CCDC192: variants seen among roughly 807,000 people sequenced by gnomAD.
The protein encoded by CCDC192 is coiled-coil domain containing 192.
Position 127,921,792 on chromosome 5 carries a change from G to T in CCDC192, c.536-19390G>T, listed in dbSNP as rs1242310197. The stretch of plus-strand genomic sequence containing the variant: ...GAGCTGCCTTCTCTCTCCATACTGG[G>T]TCAGGTAATTCATTCCCTGGCTCTC... On this transcript the variant is annotated intron_variant, in intron 6 of 6. Transcript: ENST00000514853. 2.0e-5 allele frequency among the ~76,000 whole-genome samples: 3 copies of T among 152,226 alleles called. No homozygotes were observed. The East Asian group carries it at 5.8e-4, about 29-fold the overall frequency.
intron 6 of CCDC192, among the ~76,000 whole-genome samples, chr5:127,894,187 A>ATTTTTTTTTTTTTTTTTTTTTTTTTT (rs70997350): frequency 1.8e-5 from 2 of 111,022 alleles, no homozygotes; most frequent in Non-Finnish European, 3.8e-5. Context: ...GTCCTATCTA[A>ATTTTTTTTTTTTTTTTTTTTTTTTTT]TTTTTTTTTT....
chr5:127,918,783 G>A (rs1162926676), intron 6 of CCDC192, among the ~76,000 whole-genome samples: 1 of 151,942 alleles, frequency 6.6e-6, no homozygotes, highest in Non-Finnish European at 1.5e-5. Flanking sequence ...ATGCTTATAC[G>A]TTTGTCTGTA....
chr5:127,908,841 G>A (rs753339061), intron 6 of CCDC192, among the ~76,000 whole-genome samples: 1 of 152,072 alleles, frequency 6.6e-6, no homozygotes, highest in Admixed American at 6.6e-5. Context: ...AGCTCTATAG[G>A]GAAATAATGG....
intron 2 of CCDC192, among the ~76,000 whole-genome samples, chr5:127,749,705 T>G (rs1236541537): frequency 4.6e-5 from 7 of 152,236 alleles, no homozygotes; most frequent in Non-Finnish European, 1.0e-4. Flanking sequence ...TTCCTCCTTT[T>G]ACCTATGGTA....
intron 2 of CCDC192, among the ~76,000 whole-genome samples, chr5:127,711,900 A>G (rs1374505402): frequency 1.3e-5 from 2 of 152,178 alleles, no homozygotes; most frequent in African/African-American, 4.8e-5. Context: ...CAGCTTTACT[A>G]AGACATAATT....
At chr5:127,741,067 G>A (rs200805536) in intron 2 of CCDC192, among the ~76,000 whole-genome samples, 9 of 151,696 alleles carry the variant, frequency 5.9e-5, no homozygotes, top group African/African-American at 1.2e-4. Context: ...TGTTGTTGTC[G>A]TCATTGTTGT....
At chr5:127,915,348 A>ACAGTTCTGAATGCAGCC (rs1354402588) in intron 6 of CCDC192, among the ~76,000 whole-genome samples, 1 of 152,220 alleles carries the variant, frequency 6.6e-6, no homozygotes, top group Non-Finnish European at 1.5e-5. Flanking sequence ...ACAGCCCAGG[A>ACAGTTCTGAATGCAGCC]CAGTTCTGAA....
Position 127,874,186 on chromosome 5 carries a change from A to G in CCDC192, c.412-1352A>G, listed in dbSNP as rs189056445. ...AGGCCTCTGTGTTGTGGCTCACGGT[A>G]CCTCTCACCTGGATTGTGCTGGCTG... On this transcript the variant is annotated intron_variant, in intron 5 of 6. Coordinates refer to ENST00000514853, the MANE Select transcript of CCDC192 (RefSeq NM_001317938.2). Among the ~76,000 whole-genome samples, 7 of 152,208 alleles carry G rather than the reference A, an allele frequency of 4.6e-5. No homozygotes were observed. In the South Asian group the frequency reaches 8.3e-4, roughly 18 times the overall value.
chr5:127,721,557 C>G (rs375444857), intron 2 of CCDC192, among the ~76,000 whole-genome samples: 3 of 152,182 alleles, frequency 2.0e-5, no homozygotes, highest in Non-Finnish European at 4.4e-5. Flanking sequence ...GCCCTCCAAA[C>G]TCTTCTAACC....
chr5:127,749,267 A>T (rs1753977809), intron 2 of CCDC192, among the ~76,000 whole-genome samples: 1 of 152,088 alleles, frequency 6.6e-6, no homozygotes, highest in African/African-American at 2.4e-5. Context: ...GATAGCTCTT[A>T]TTATTTTGAA....
rs192270977 is a variant in CCDC192, at chr5:127,753,643, G to A, written c.115-625G>A. 2.0e-3 allele frequency among the ~76,000 whole-genome samples: 294 copies of A among 150,744 alleles called. 1 individual carries two copies. Among genetic ancestry groups the A allele is most frequent in the Non-Finnish European group, 2.8e-3 (193 of 67,844 alleles). Reference sequence around the variant, plus strand: ...GTGGAGGTTGCAGTGAGCCAAGATCGTGCCCTTGCACTCGGCCTGGGCAAC... The same window carrying A: ...GTGGAGGTTGCAGTGAGCCAAGATCATGCCCTTGCACTCGGCCTGGGCAAC... On this transcript the variant is annotated intron_variant, in intron 2 of 6. Transcript: ENST00000514853.
chr5:127,825,420 G>A (rs1369157985), intron 5 of CCDC192, among the ~76,000 whole-genome samples: 1 of 152,186 alleles, frequency 6.6e-6, no homozygotes, highest in African/African-American at 2.4e-5. Context: ...GTTCAAAGTT[G>A]ATGCAAGACT....
At chr5:127,787,061 C>G (rs1050935967) in intron 3 of CCDC192, 1 of 283,734 alleles carries the variant, frequency 3.5e-6, no homozygotes, top group Non-Finnish European at 7.1e-6. Flanking sequence ...TGTTCTAAAG[C>G]TGTCCAGTGC....
chr5:127,797,769 ATATATATATT>A (rs1232002427), intron 4 of CCDC192, among the ~76,000 whole-genome samples: 206 of 11,222 alleles, frequency 0.018, no homozygotes, highest in South Asian at 0.046. Flanking sequence ...ATATATATAT[ATATATATATT>A]TATTTATTTA....
rs1753809344 is a variant in CCDC192 at position 127,924,327 on chromosome 5, G to A, written c.536-16855G>A. ...GTTTGCCTGCTGAAAACGAATGTGT[G>A]CCCTAAGCCTTTGTTTATCCAGGTG... On this transcript the variant is annotated intron_variant, in intron 6 of 6. Transcript: ENST00000514853. Among the ~76,000 whole-genome samples, 2 of 152,208 alleles carry A rather than the reference G, an allele frequency of 1.3e-5. 1 individual carries two copies. Among genetic ancestry groups the A allele is most frequent in the Admixed American group, 1.3e-4 (2 of 15,270 alleles).
At chr5:127,785,702 A>G (rs1053300521) in intron 3 of CCDC192, 4 of 191,468 alleles carry the variant, frequency 2.1e-5, no homozygotes, top group African/African-American at 4.8e-5. Context: ...GAAGACAACC[A>G]TTATATGATT....
In CCDC192 at chr5:127,866,698, C is replaced by T. The variant is rs114857711; in HGVS notation, c.412-8840C>T. ...AACTCAGCAATTTTCAAAACATTCA[C>T]CTACATACTCCTTTGCTTTTAACAC... On this transcript the variant is annotated intron_variant, in intron 5 of 6. Transcript: ENST00000514853. Among the ~76,000 whole-genome samples, 1,475 of 151,956 alleles carry T rather than the reference C, an allele frequency of 9.7e-3. 27 individuals are homozygous for T. Among genetic ancestry groups the T allele is most frequent in the African/African-American group, 0.033 (1,359 of 41,416 alleles).
At chr5:127,827,442 A>G (rs1371694061) in intron 5 of CCDC192, among the ~76,000 whole-genome samples, 1 of 152,210 alleles carries the variant, frequency 6.6e-6, no homozygotes, top group Non-Finnish European at 1.5e-5. Flanking sequence ...AACAGATCCC[A>G]GTTGTTTAGA....
intron 3 of CCDC192, among the ~76,000 whole-genome samples, chr5:127,781,669 A>G (rs1291509566): frequency 6.6e-6 from 1 of 150,650 alleles, no homozygotes; most frequent in Non-Finnish European, 1.5e-5. Flanking sequence ...AGAGCTACTG[A>G]TTTGTGTACA....
Sources: allele counts gnomAD v4.1 joint callset (sites outside exome capture counted in the v4.1 genomes callset), GRCh38; gene constraint gnomAD v4.1.1; transcripts MANE v1.5; gene names NCBI Gene and HGNC (gene_info 2026-07-23, HGNC 2026-07-21).